Variants in RPS6KA3 observed in about 807,000 individuals in gnomAD.
The protein encoded by RPS6KA3 is ribosomal protein S6 kinase alpha-3.
A neutral mutation model predicts 67.2 loss-of-function variants in RPS6KA3; 4 were observed. The ratio of observed to expected loss-of-function variants is 0.06; its 90% confidence interval spans 0.03 to 0.14. The LOEUF is 0.14. Among genes scored for constraint, RPS6KA3 ranks in the 10% least tolerant of loss-of-function variants. RPS6KA3 has a pLI of 1.00. For missense variants in RPS6KA3, 204 were observed against 559.0 expected (o/e 0.36, Z 6.40); for synonymous variants, 182 against 183.7 (o/e 0.99, Z 0.07).
chrX:20,194,145 C>A, intron 6 of RPS6KA3, 44 bp downstream of exon 6: 1 of 800,842 alleles, frequency 1.2e-6, no homozygotes. Context: ...TTAGTTCAAA[C>A]AGGATGCATG....
chrX:20,178,912 T>G lies in RPS6KA3; in HGVS notation c.846-1828A>C, dbSNP rs113047973. On this transcript the variant is annotated intron_variant, in intron 10 of 21. Coordinates refer to ENST00000379565, the MANE Select transcript of RPS6KA3 (RefSeq NM_004586.3). ...TGCAGCAGAGGTCCTGAAACTGGAC[T>G]AACATGACTAGACTTATTTTCAAGA... is the stretch of plus-strand genomic sequence containing the variant. Among the ~76,000 whole-genome samples, 554 of 110,599 alleles carry G rather than the reference T, an allele frequency of 5.0e-3. 5 individuals are homozygous for G. Among genetic ancestry groups the G allele is most frequent in the African/African-American group, 0.017 (526 of 30,427 alleles).
chrX:20,181,101 A>C (rs2067831812), intron 10 of RPS6KA3, among the ~76,000 whole-genome samples: 1 of 112,132 alleles, frequency 8.9e-6, no homozygotes. Flanking sequence ...ATTTTTAGCA[A>C]GGCAAACTGA....
At chrX:20,254,893 T>C (rs1254688257) in intron 1 of RPS6KA3, among the ~76,000 whole-genome samples, 1 of 111,973 alleles carries the variant, frequency 8.9e-6, no homozygotes, top group Non-Finnish European at 1.9e-5. Flanking sequence ...GATGGGAATG[T>C]AAAATGGTAC....
intron 6 of RPS6KA3, 57 bp from the exon 7 acceptor site, chrX:20,193,650 A>G: frequency 1.4e-6 from 1 of 725,890 alleles, no homozygotes; most frequent in East Asian, 3.5e-5. Context: ...TGTAATTTTT[A>G]AAGTTCCACT....
chrX:20,219,473 C>T (rs2068937902), intron 2 of RPS6KA3, among the ~76,000 whole-genome samples: 1 of 111,741 alleles, frequency 8.9e-6, no homozygotes, highest in South Asian at 3.7e-4. Context: ...ACAAATGCTA[C>T]CTGTCTTAAA....
intron 20 of RPS6KA3, among the ~76,000 whole-genome samples, chrX:20,161,077 G>T (rs1218709656): frequency 4.5e-5 from 5 of 111,626 alleles, no homozygotes; most frequent in Non-Finnish European, 9.4e-5. Context: ...CTCTTCAAAC[G>T]ATTTCATGCA....
chrX:20,262,444 T>C (rs2070258469), intron 1 of RPS6KA3, among the ~76,000 whole-genome samples: 1 of 112,015 alleles, frequency 8.9e-6, no homozygotes, highest in Admixed American at 9.5e-5. Flanking sequence ...CAGAAATGTA[T>C]ACTAAAGAGA....
At chrX:20,253,737 C>A (rs182138936) in intron 1 of RPS6KA3, among the ~76,000 whole-genome samples, 6 of 111,637 alleles carry the variant, frequency 5.4e-5, no homozygotes, top group Non-Finnish European at 1.1e-4. Flanking sequence ...ATAATTTCCT[C>A]CTAAAGATCC....
intron 15 of RPS6KA3, among the ~76,000 whole-genome samples, chrX:20,172,234 T>C (rs2067591475): frequency 8.9e-6 from 1 of 112,360 alleles, no homozygotes; most frequent in Non-Finnish European, 1.9e-5. Flanking sequence ...AACTTTATCG[T>C]AGAGCTAGGT....
At chrX:20,238,222 C>T (rs754078167) in intron 1 of RPS6KA3, among the ~76,000 whole-genome samples, 1 of 111,461 alleles carries the variant, frequency 9.0e-6, no homozygotes, top group East Asian at 2.8e-4. Flanking sequence ...AACATTTCAA[C>T]CCTCAAACGA....
chrX:20,253,046 G>A (rs891543487), intron 1 of RPS6KA3, among the ~76,000 whole-genome samples: 1 of 110,879 alleles, frequency 9.0e-6, no homozygotes, highest in South Asian at 3.8e-4. Flanking sequence ...CCTGGCAAGA[G>A]CATAACTTCC....
At chrX:20,199,000 T>C (rs1276305567) in intron 4 of RPS6KA3, among the ~76,000 whole-genome samples, 4 of 110,750 alleles carry the variant, frequency 3.6e-5, no homozygotes, top group African/African-American at 1.3e-4. Context: ...GGCTCCTGAG[T>C]AGCTGAGATT....
chrX:20,185,038 C>T (rs2067944414), intron 10 of RPS6KA3, among the ~76,000 whole-genome samples: 1 of 110,889 alleles, frequency 9.0e-6, no homozygotes, highest in Non-Finnish European at 1.9e-5. Flanking sequence ...CTCTGCCTCC[C>T]GGGTTCAAGT....
chrX:20,161,578 T>C, intron 20 of RPS6KA3, 66 bp downstream of exon 20: 1 of 505,880 alleles, frequency 2.0e-6, no homozygotes, highest in South Asian at 2.9e-5. Context: ...ACTGGTAGTA[T>C]TTCTTCTCAC....
intron 10 of RPS6KA3, among the ~76,000 whole-genome samples, chrX:20,183,561 T>C (rs2067898564): frequency 8.9e-6 from 1 of 111,882 alleles, no homozygotes; most frequent in African/African-American, 3.2e-5. Context: ...TGGTCGCAAA[T>C]TAAGTGTCCA....
Position 20,169,385 on chromosome X carries a change from T to C in RPS6KA3, c.1443+17A>G, listed in dbSNP as rs777646502. 16 of 975,200 alleles carry C rather than the reference T, an allele frequency of 1.6e-5. No homozygotes were observed. The South Asian group carries it at 3.1e-4, about 19-fold the overall frequency. The allele number at this position is 975,200 out of a possible 1,213,427, so 80.4% of individuals were successfully genotyped here. A position where few individuals can be genotyped will look rare whatever the true frequency, so the allele number is the denominator to read the frequency against. On this transcript the variant is annotated intron_variant, in intron 16 of 21. Transcript: ENST00000379565. ...AGACAACTGATTCAAATGATCCATATTAAAGAATCTACTTACATCCTTTAG... is the reference window on the plus strand; with the variant it reads ...AGACAACTGATTCAAATGATCCATACTAAAGAATCTACTTACATCCTTTAG...
At chrX:20,203,946 G>A in intron 4 of RPS6KA3, 76 bp downstream of exon 4, 1 of 714,756 alleles carries the variant, frequency 1.4e-6, no homozygotes, top group Non-Finnish European at 2.3e-6. Context: ...AACATGCCAA[G>A]GAGTCCCATG....
intron 2 of RPS6KA3, among the ~76,000 whole-genome samples, chrX:20,214,170 C>T (rs2068787560): frequency 9.0e-6 from 1 of 111,568 alleles, no homozygotes; most frequent in Non-Finnish European, 1.9e-5. Context: ...ATCCTGGAGA[C>T]CTCTCTTACC....
In RPS6KA3 at chrX:20,152,587, T is replaced by A. The variant is rs1289451277; in HGVS notation, c.*2811A>T. The A allele has an allele frequency of 8.9e-6, 1 of 112,119 alleles. No homozygotes were observed. The highest frequency in any genetic ancestry group is 3.2e-5 in the African/African-American group (1 of 30,863). 9.2% of individuals were successfully genotyped at this position (112,119 alleles called of 1,213,427 possible). A position where few individuals can be genotyped will look rare whatever the true frequency, so the allele number is the denominator to read the frequency against. ...CCTTTAGGGGCCTCAATACCACAAC[T>A]GTAGGGGCCTGAATAATTGATGTTG... On this transcript the variant is annotated 3_prime_UTR_variant, in exon 22 of 22. Transcript: ENST00000379565.
Sources: gnomAD v4.1 joint callset for allele counts (sites outside exome capture counted in the v4.1 genomes callset) on GRCh38, gnomAD v4.1.1 for gene constraint, MANE v1.5 for transcripts, NCBI Gene and HGNC (gene_info 2026-07-23, HGNC 2026-07-21) for gene names.